Variants in DIP2C observed in about 807,000 individuals in gnomAD.
DIP2C encodes the protein disco-interacting protein 2 homolog C.
In DIP2C, 33 loss-of-function variants were observed where a neutral mutation model predicts 192.4. The observed-to-expected ratio is 0.17, with a 90% CI of 0.13 to 0.23. The LOEUF (loss-of-function observed/expected upper bound fraction) is 0.23, where lower values mean the gene tolerates loss of function less well. Ranked by LOEUF, DIP2C falls within the 10% of genes least tolerant of loss-of-function variation. DIP2C has a pLI of 1.00. For synonymous variants in DIP2C, 979 were observed against 864.1 expected (o/e 1.13, Z -2.33); for missense variants, 1,537 against 2,110.1 (o/e 0.73, Z 5.32).
At chr10:639,564 C>T (rs755862321) in intron 1 of DIP2C, among the ~76,000 whole-genome samples, 2 of 152,256 alleles carry the variant, frequency 1.3e-5, no homozygotes, top group Admixed American at 6.5e-5. Flanking sequence ...TGCATGAAGC[C>T]ACGCTGGAAG....
At chr10:333,521 G>A (rs543033204) in intron 29 of DIP2C, among the ~76,000 whole-genome samples, 49 of 152,226 alleles carry the variant, frequency 3.2e-4, no homozygotes, top group African/African-American at 9.4e-4. Flanking sequence ...ATGTGGACGT[G>A]GCAGGCGTCA....
intron 18 of DIP2C, among the ~76,000 whole-genome samples, chr10:366,720 TAAC>T (rs1960261953): frequency 6.6e-6 from 1 of 152,204 alleles, no homozygotes; most frequent in South Asian, 2.1e-4. Flanking sequence ...ACCTCAGAAC[TAAC>T]ATCAGGACCA....
At chr10:617,944 G>A (rs940773674) in intron 1 of DIP2C, among the ~76,000 whole-genome samples, 1 of 152,142 alleles carries the variant, frequency 6.6e-6, no homozygotes, top group African/African-American at 2.4e-5. Flanking sequence ...CTGCAGGTGT[G>A]ACAATTTAGG....
At chr10:474,305 C>T (rs946308042) in intron 2 of DIP2C, among the ~76,000 whole-genome samples, 3 of 152,206 alleles carry the variant, frequency 2.0e-5, no homozygotes, top group Non-Finnish European at 2.9e-5. Flanking sequence ...AAATACCGTT[C>T]TATCTTACGC....
chr10:614,643 C>T (rs868053643), intron 1 of DIP2C, among the ~76,000 whole-genome samples: 1 of 152,256 alleles, frequency 6.6e-6, no homozygotes, highest in Admixed American at 6.5e-5. Context: ...GAAACATGGC[C>T]ACTGGGCCTG....
At chr10:541,660 C>T (rs995605686) in intron 1 of DIP2C, among the ~76,000 whole-genome samples, 2 of 150,118 alleles carry the variant, frequency 1.3e-5, no homozygotes, top group South Asian at 4.3e-4. Flanking sequence ...CCCGACCACA[C>T]CCGTCTCTCC....
chr10:449,928 A>C (rs1034426321), intron 3 of DIP2C, among the ~76,000 whole-genome samples: 29 of 138,776 alleles, frequency 2.1e-4, no homozygotes, highest in Non-Finnish European at 4.1e-4. Flanking sequence ...AACAAAAAAA[A>C]AAAAAAAAGA....
chr10:503,986 C>T (rs942314961), intron 1 of DIP2C, among the ~76,000 whole-genome samples: 1 of 152,184 alleles, frequency 6.6e-6, no homozygotes, highest in Non-Finnish European at 1.5e-5. Context: ...GATTCCTGAT[C>T]ACACTTAAAG....
chr10:419,264 C>T (rs1966011739), intron 5 of DIP2C, 65 bp from the exon 6 acceptor site: 3 of 1,607,344 alleles, frequency 1.9e-6, no homozygotes, highest in Non-Finnish European at 2.5e-6. Flanking sequence ...GTGGAACAAG[C>T]CACAGCCCAG....
Position 670,138 on chromosome 10 carries a change from A to G in DIP2C, c.85+19356T>C, listed in dbSNP as rs192484761. On this transcript the variant is annotated intron_variant, in intron 1 of 36. Coordinates refer to ENST00000280886, the MANE Select transcript of DIP2C (RefSeq NM_014974.3). ...CATATGCTCATACATGTACACGCAT[A>G]CACGTGTACACATATGCACGTGCGC... Among the ~76,000 whole-genome samples, 401 of 152,240 alleles carry G rather than the reference A, an allele frequency of 2.6e-3. 1 individual carries two copies. The highest frequency in any genetic ancestry group is 9.1e-3 in the African/African-American group (377 of 41,538).
At position 633,102 on chromosome 10, in the gene DIP2C, CTACCTCAACCGGGA is replaced by C. The variant is rs1854619309; in HGVS notation, c.85+56378_85+56391del. Among the ~76,000 whole-genome samples the C allele has an allele frequency of 3.3e-5, 5 of 152,362 alleles. 1 individual carries two copies. In the South Asian group the frequency reaches 1.0e-3, roughly 32 times the overall value. ...TGAGGAGGATGAGGACGAGATCCTT[CTACCTCAACCGGGA>C]TCAATTTTTTAATGATTTCTTTCTT... On this transcript the variant is annotated intron_variant, in intron 1 of 36. Transcript: ENST00000280886.
rs780820040 is a variant in DIP2C, at chr10:366,334, C to T, written c.2209G>A (p.Ala737Thr). 1 of 1,612,032 alleles carries T rather than the reference C, an allele frequency of 6.2e-7. No individual in the cohort carries two copies. Among genetic ancestry groups the T allele is most frequent in the Admixed American group, 1.7e-5 (1 of 59,834 alleles). ...TAGTAGGACGTGCCCGTCGCAACTG[C>T]ACACACACACAGCTCCCCGATCTCA... ...TDEIGELCVC[A>T]VATGTSYYGL... The change falls in exon 19 of 37, where the codon GCA becomes ACA. Residue 737 changes from alanine to threonine, a missense_variant. By Grantham distance (58) the Ala-to-Thr change is moderately conservative (BLOSUM62 0). Coordinates refer to ENST00000280886, the MANE Select transcript of DIP2C (RefSeq NM_014974.3).
At chr10:428,544 G>T (rs193098933) in intron 4 of DIP2C, among the ~76,000 whole-genome samples, 1 of 152,082 alleles carries the variant, frequency 6.6e-6, no homozygotes, top group African/African-American at 2.4e-5. Context: ...GGAGTGTAAC[G>T]TGTCTTTTTC....
At chr10:288,323 G>T in intron 33 of DIP2C, 41 bp downstream of exon 33, 3 of 1,588,256 alleles carry the variant, frequency 1.9e-6, no homozygotes, top group Non-Finnish European at 2.6e-6. Context: ...AGTCAGAAGC[G>T]AACGGATACA....
chr10:557,510 C>T (rs949869407), intron 1 of DIP2C, among the ~76,000 whole-genome samples: 3 of 151,378 alleles, frequency 2.0e-5, no homozygotes, highest in African/African-American at 7.3e-5. Context: ...GCTGTCTCAT[C>T]TGTTCCCACG....
chr10:610,718 G>T (rs1853036889), intron 1 of DIP2C, among the ~76,000 whole-genome samples: 1 of 151,962 alleles, frequency 6.6e-6, no homozygotes, highest in Admixed American at 6.6e-5. Context: ...GTGGGCCCTG[G>T]TGGGCGGTGA....
chr10:326,249 T>G (rs1957267914), intron 31 of DIP2C, among the ~76,000 whole-genome samples: 1 of 152,166 alleles, frequency 6.6e-6, no homozygotes, highest in Admixed American at 6.5e-5. Context: ...TGAAGTGATC[T>G]CGGGAAGAGA....
At chr10:380,807 C>A (rs1962299987) in intron 17 of DIP2C, among the ~76,000 whole-genome samples, 1 of 152,222 alleles carries the variant, frequency 6.6e-6, no homozygotes, top group African/African-American at 2.4e-5. Flanking sequence ...AGCCGTTTTT[C>A]ACTTAATAAC....
chr10:390,117 G>A (rs746738364), intron 12 of DIP2C, 24 bp from the exon 13 acceptor site: 2 of 1,608,302 alleles, frequency 1.2e-6, no homozygotes, highest in Middle Eastern at 1.7e-4. Context: ...AAGCGTGAGG[G>A]AAGTGGGGCT....
Sources: gnomAD v4.1 joint callset for allele counts (sites outside exome capture counted in the v4.1 genomes callset) on GRCh38, gnomAD v4.1.1 for gene constraint, MANE v1.5 for transcripts, NCBI Gene and HGNC (gene_info 2026-07-23, HGNC 2026-07-21) for gene names.